Variants in POLD4 observed in about 807,000 individuals in gnomAD.
POLD4 encodes the protein DNA polymerase delta subunit 4.
A neutral mutation model predicts 16.5 loss-of-function variants in POLD4; 9 were observed. That is an observed-to-expected ratio of 0.55 (90% CI 0.33 to 0.95). POLD4 has a LOEUF of 0.95. Among genes scored for constraint, POLD4 ranks in the 40% least tolerant of loss-of-function variants. POLD4 has a pLI of 0.03. For missense variants in POLD4, 129 were observed against 139.7 expected (o/e 0.92, Z 0.39); for synonymous variants, 62 against 57.6 (o/e 1.08, Z -0.35).
At position 67,353,503 on chromosome 11, in the gene POLD4, G is replaced by T; in HGVS notation, c.-104C>A. On this transcript the variant is annotated 5_prime_UTR_variant, in exon 1 of 4. The change creates a new upstream start codon in the 5' untranslated region. Coordinates refer to ENST00000312419, the MANE Select transcript of POLD4 (RefSeq NM_021173.5). ...CTGCTGAGAGAGACAGACGGGGCCA[G>T]GCCAGCGGCGGGCAGACAAGATGAC... 1 of 980,146 alleles carries T rather than the reference G, an allele frequency of 1.0e-6. No homozygotes were observed. The highest frequency in any genetic ancestry group is 1.5e-6 in the Non-Finnish European group (1 of 667,142). 60.7% of individuals were successfully genotyped at this position (980,146 alleles called of 1,614,324 possible). A position where few individuals can be genotyped will look rare whatever the true frequency, so the allele number is the denominator to read the frequency against.
In POLD4 at chr11:67,352,821, G is replaced by C; in HGVS notation, c.188-19C>G. 1 of 1,582,354 alleles carries C rather than the reference G, an allele frequency of 6.3e-7. No homozygotes were observed. On this transcript the variant is annotated intron_variant, in intron 2 of 3. Coordinates refer to ENST00000312419, the MANE Select transcript of POLD4 (RefSeq NM_021173.5). ...GTGATCCCTGCCAGGGTGGGAAGAA[G>C]ACTCTGGAGACTTGTGGGGGGTGGG... is the stretch of plus-strand genomic sequence containing the variant.
chr11:67,352,273 G>T (rs1861884174), intron 3 of POLD4: 1 of 436,976 alleles, frequency 2.3e-6, no homozygotes. Context: ...ACTTTGGGAG[G>T]CTGAGGTGGG....
intron 1 of POLD4, 89 bp from the exon 2 acceptor site, chr11:67,353,166 C>T (rs1861913404): frequency 1.3e-6 from 2 of 1,494,754 alleles, no homozygotes; most frequent in Non-Finnish European, 1.8e-6. Context: ...TTTGCCTCTG[C>T]CACCCCGCAG....
chr11:67,351,795 G>T lies in POLD4; in HGVS notation c.*200C>A, dbSNP rs1565100947. The T allele has an allele frequency of 3.4e-6, 2 of 581,498 alleles. No individual in the cohort carries two copies. The highest frequency in any genetic ancestry group is 2.2e-5 in the South Asian group (1 of 46,112). The allele number at this position is 581,498 out of a possible 1,614,324, so 36.0% of individuals were successfully genotyped here. ...CTCCATCTAGAAGCACTCTGCTTCA[G>T]CTGCGCAGGCTCTTCCGGGGACTCT... On this transcript the variant is annotated 3_prime_UTR_variant, in exon 4 of 4. Coordinates refer to ENST00000312419, the MANE Select transcript of POLD4 (RefSeq NM_021173.5). The surrounding 1 kb of genome is among the most constrained non-coding windows in gnomAD (Gnocchi z 4.8).
At chr11:67,352,354 G>A (rs375713711) in intron 3 of POLD4, 9 of 327,624 alleles carry the variant, frequency 2.7e-5, no homozygotes, top group African/African-American at 1.7e-4. Flanking sequence ...ACTAAAAATA[G>A]AAAAAATTAG....
rs1013877634 is a variant in POLD4 at position 67,353,516 on chromosome 11, C to G, written c.-117G>C. 1 of 853,512 alleles carries G rather than the reference C, an allele frequency of 1.2e-6. No homozygotes were observed. The highest frequency in any genetic ancestry group is 2.8e-5 in the Admixed American group (1 of 36,090). The allele number at this position is 853,512 out of a possible 1,614,324, so 52.9% of individuals were successfully genotyped here. On this transcript the variant is annotated 5_prime_UTR_variant, in exon 1 of 4. Transcript: ENST00000312419. ...CAGACGGGGCCAGGCCAGCGGCGGG[C>G]AGACAAGATGACCCAGACAAACCGA...
Position 67,353,291 on chromosome 11 carries a change from C to T in POLD4, c.97+12G>A, listed in dbSNP as rs1861918388. 6.2e-7 allele frequency: 1 copy of T among 1,607,754 alleles called. No homozygotes were observed. Among genetic ancestry groups the T allele is most frequent in the African/African-American group, 1.3e-5 (1 of 74,848 alleles). ...GTGTCCACTCCTCCTGCCTCCCTCACACCTCAGAGACCTAGCTCGGGTGCC... is the reference window on the plus strand; with the variant it reads ...GTGTCCACTCCTCCTGCCTCCCTCATACCTCAGAGACCTAGCTCGGGTGCC... On this transcript the variant is annotated intron_variant, in intron 1 of 3. Coordinates refer to ENST00000312419, the MANE Select transcript of POLD4 (RefSeq NM_021173.5).
Position 67,353,499 on chromosome 11 carries a change from GC to G in POLD4, c.-101del. 1 of 1,031,006 alleles carries G rather than the reference GC, an allele frequency of 9.7e-7. No homozygotes were observed. The highest frequency in any genetic ancestry group is 1.4e-6 in the Non-Finnish European group (1 of 706,264). The allele number at this position is 1,031,006 out of a possible 1,614,324, so 63.9% of individuals were successfully genotyped here. A position where few individuals can be genotyped will look rare whatever the true frequency, so the allele number is the denominator to read the frequency against. On this transcript the variant is annotated 5_prime_UTR_variant, in exon 1 of 4. Transcript: ENST00000312419. ...ACAGCTGCTGAGAGAGACAGACGGGGCCAGGCCAGCGGCGGGCAGACAAGAT... is the reference window on the plus strand; with the variant it reads ...ACAGCTGCTGAGAGAGACAGACGGGGCAGGCCAGCGGCGGGCAGACAAGAT...
intron 2 of POLD4, 74 bp from the exon 3 acceptor site, chr11:67,352,876 TG>T (rs941944700): frequency 7.9e-6 from 10 of 1,265,830 alleles, no homozygotes; most frequent in Middle Eastern, 1.9e-4. Flanking sequence ...ATGTGTGTGT[TG>T]GGGGGAGACA....
In POLD4 at chr11:67,353,091, T is replaced by C; in HGVS notation, c.98-14A>G. On this transcript the variant is annotated splice_polypyrimidine_tract_variant and intron_variant, in intron 1 of 3. Transcript: ENST00000312419. ...GGGGCTCCTCCCCTGCAATGACAGC[T>C]GCTCTTCAGTACGAGGTTGGCTTCA... 6.4e-7 allele frequency: 1 copy of C among 1,573,770 alleles called. No individual in the cohort carries two copies. Among genetic ancestry groups the C allele is most frequent in the Middle Eastern group, 1.7e-4 (1 of 6,010 alleles).
chr11:67,352,790 A>T lies in POLD4; in HGVS notation c.200T>A (p.Leu67Gln), dbSNP rs1241572318. The change falls in exon 3 of 4, where the codon CTG (leucine) becomes CAG (glutamine). Residue 67 changes from leucine (L) to glutamine (Q), a missense_variant. Physicochemically the swap from Leu to Gln is moderately radical, Grantham distance 113. Transcript: ENST00000312419. ...CTGCTTGGCCCGACACCAGCGCTGC[A>T]GCCGTGTGATCCCTGCCAGGGTGGG... ...QYGPCTGITR[L>Q]QRWCRAKQMG... The T allele has an allele frequency of 6.2e-7, 1 of 1,606,560 alleles. No individual in the cohort carries two copies. The highest frequency in any genetic ancestry group is 8.5e-7 in the Non-Finnish European group (1 of 1,175,970).
Position 67,352,852 on chromosome 11 carries a change from G to T in POLD4, c.188-50C>A, listed in dbSNP as rs774821095. 1.3e-5 allele frequency: 19 copies of T among 1,486,344 alleles called. No homozygotes were observed. The African/African-American group carries it at 2.5e-4, about 20-fold the overall frequency. The allele number at this position is 1,486,344 out of a possible 1,614,324, so 92.1% of individuals were successfully genotyped here. A position where few individuals can be genotyped will look rare whatever the true frequency, so the allele number is the denominator to read the frequency against. On this transcript the variant is annotated intron_variant, in intron 2 of 3. Coordinates refer to ENST00000312419, the MANE Select transcript of POLD4 (RefSeq NM_021173.5). ...GGAGACTTGTGGGGGGTGGGGTAGA[G>T]TCTGAGCTGGAGAATGTGTGTGTTG...
rs1364222292 is a variant in POLD4, at chr11:67,352,751, G to A, written c.239C>T (p.Pro80Leu). The change falls in exon 3 of 4, where the codon CCT becomes CTT. Residue 80 changes from proline (P) to leucine (L), a missense_variant. Pro to Leu is a moderately conservative substitution (Grantham distance 98). Coordinates refer to ENST00000312419, the MANE Select transcript of POLD4 (RefSeq NM_021173.5). ...CAGCACCTGCCACACCTCTGGGGGAGGCTCCAAGCCCATCTGCTTGGCCCG... is the reference window on the plus strand; with the variant it reads ...CAGCACCTGCCACACCTCTGGGGGAAGCTCCAAGCCCATCTGCTTGGCCCG... ...WCRAKQMGLE[P>L]PPEVWQVLKT... 1 of 1,613,212 alleles carries A rather than the reference G, an allele frequency of 6.2e-7. No homozygotes were observed. Among genetic ancestry groups the A allele is most frequent in the Non-Finnish European group, 8.5e-7 (1 of 1,179,834 alleles).
chr11:67,352,613 C>A, intron 3 of POLD4, 78 bp downstream of exon 3: 1 of 1,101,552 alleles, frequency 9.1e-7, no homozygotes, highest in South Asian at 1.4e-5. Context: ...CCATTTCTCC[C>A]TCAGGTCAGG....
In POLD4 at chr11:67,353,420, GAGA is replaced by G. The variant is rs748439555; in HGVS notation, c.-24_-22del. The stretch of plus-strand genomic sequence containing the variant: ...CCCATGGCGGCCACCCAGGCAGGCA[GAGA>G]AGGAGGCAACTGCGGGGAAGAGGAG... On this transcript the variant is annotated 5_prime_UTR_variant, in exon 1 of 4. Coordinates refer to ENST00000312419, the MANE Select transcript of POLD4 (RefSeq NM_021173.5). The G allele has an allele frequency of 3.7e-6, 6 of 1,603,840 alleles. No homozygotes were observed. The highest frequency in any genetic ancestry group is 3.4e-5 in the Admixed American group (2 of 59,218).
rs1401649620 is a variant in POLD4 at position 67,352,000 on chromosome 11, G to C, written c.319C>G (p.Leu107Val). The C allele has an allele frequency of 6.7e-7, 1 of 1,501,412 alleles. No individual in the cohort carries two copies. Among genetic ancestry groups the C allele is most frequent in the African/African-American group, 1.4e-5 (1 of 72,094 alleles). The allele number at this position is 1,501,412 out of a possible 1,614,324, so 93.0% of individuals were successfully genotyped here. Reference protein sequence around the residue: ...FQCSLWHLYPL With the variant: ...FQCSLWHLYPV ...AGGAGGTCTTACGTGGTGCCTCATA[G>C]GGGATAGAGATGCCAGAGACTGTGG... Residue 107 changes from leucine to valine, a missense_variant, in exon 4 of 4, where the codon CTA (leucine) becomes GTA (valine). Coordinates refer to ENST00000312419, the MANE Select transcript of POLD4 (RefSeq NM_021173.5). This position sits in a 1 kb window ranked among gnomAD's most constrained non-coding sequence, Gnocchi z 4.8.
Position 67,353,060 on chromosome 11 carries a change from G to T in POLD4, c.115C>A (p.Arg39Ser). Residue 39 changes from arginine (R) to serine (S), a missense_variant, in exon 2 of 4, where the codon CGC becomes AGC. Coordinates refer to ENST00000312419, the MANE Select transcript of POLD4 (RefSeq NM_021173.5). ...APELGEEPQP[R>S]DEEEAELELL... Reference sequence around the variant, plus strand: ...TCCAGCTCCGCTTCCTCCTCGTCGCGGGGCTGGGGCTCCTCCCCTGCAATG... The same window carrying T: ...TCCAGCTCCGCTTCCTCCTCGTCGCTGGGCTGGGGCTCCTCCCCTGCAATG... The T allele has an allele frequency of 6.3e-7, 1 of 1,586,954 alleles. No individual in the cohort carries two copies. The highest frequency in any genetic ancestry group is 2.3e-5 in the East Asian group (1 of 43,148).
chr11:67,352,509 CA>C (rs1176039978), intron 3 of POLD4, 181 bp downstream of exon 3: 334 of 539,366 alleles, frequency 6.2e-4, no homozygotes, highest in South Asian at 1.6e-3. Flanking sequence ...GACTCTGTCT[CA>C]AAAAAAAAGA....
chr11:67,353,583 C>T, upstream of POLD4: 1 of 585,982 alleles, frequency 1.7e-6, no homozygotes, highest in East Asian at 3.0e-5. Context: ...GCCTCCCCCA[C>T]CCCCAAAAGC....
Sources: gnomAD v4.1 joint callset for allele counts on GRCh38, gnomAD v4.1.1 for gene constraint, Gnocchi (gnomAD v3.1) non-coding constraint, MANE v1.5 for transcripts, NCBI Gene and HGNC (gene_info 2026-07-23, HGNC 2026-07-21) for gene names.